Variants in CLIC5 observed in about 807,000 individuals in gnomAD.
The protein encoded by CLIC5 is chloride intracellular channel protein 5.
Under a neutral mutation model 24.7 loss-of-function variants are expected in CLIC5, and 20 were observed. That is an observed-to-expected ratio of 0.81 (90% confidence interval 0.57 to 1.18). The LOEUF (loss-of-function observed/expected upper bound fraction) is 1.18. Ranked by LOEUF, CLIC5 falls within the 50% of genes most tolerant of loss-of-function variation. The pLI is 0.00. For synonymous variants in CLIC5, 159 were observed against 135.6 expected, an observed-to-expected ratio of 1.17 and a Z score of -1.20; for missense variants, 341 against 326.1, an observed-to-expected ratio of 1.05 and a Z score of -0.35.
intron 3 of CLIC5, 111 bp downstream of exon 3, chr6:45,949,145 G>T: frequency 1.4e-6 from 2 of 1,388,966 alleles, no homozygotes; most frequent in Non-Finnish European, 9.7e-7. Context: ...CTGTTCTCTG[G>T]ACTGGTGAGG....
At chr6:46,015,996 G>T, upstream of CLIC5, 2 of 705,340 alleles carry the variant, frequency 2.8e-6, no homozygotes, top group Non-Finnish European at 3.5e-6. Flanking sequence ...ACCCCGCAGG[G>T]CAGGAGGCGG....
chr6:45,892,096 C>G (rs1200545179), intron 6 of CLIC5: 1 of 152,186 alleles, frequency 6.6e-6, no homozygotes, highest in Non-Finnish European at 1.5e-5. Flanking sequence ...CACATCTCTG[C>G]CTTCCTGACC....
At chr6:46,088,311 T>C in the CLIC5 span, among the ~76,000 whole-genome samples, 785 of 152,232 alleles carry the variant, frequency 5.2e-3, 10 homozygotes, top group African/African-American at 0.018. Flanking sequence ...TTGACTCCTA[T>C]AATTTCACTG....
intron 4 of CLIC5, 33 bp from the exon 5 acceptor site, chr6:45,914,442 A>T (rs768487772): frequency 2.6e-6 from 4 of 1,532,882 alleles, no homozygotes; most frequent in Non-Finnish European, 3.5e-6. Context: ...CCTTTATTCA[A>T]ACTTCTTGCC....
At chr6:45,945,649 T>C (rs1764266513) in intron 3 of CLIC5, among the ~76,000 whole-genome samples, 1 of 152,146 alleles carries the variant, frequency 6.6e-6, no homozygotes, top group Non-Finnish European at 1.5e-5. Flanking sequence ...TACTGCAACA[T>C]AGCACAACCT....
At chr6:46,064,988 GAA>G (rs1251448076) in intron 1 of CLIC5, among the ~76,000 whole-genome samples, 1 of 152,068 alleles carries the variant, frequency 6.6e-6, no homozygotes, top group East Asian at 1.9e-4. Flanking sequence ...TCATGAAAAT[GAA>G]AAGTCAGGCC....
chr6:46,085,891 C>G, the CLIC5 span, among the ~76,000 whole-genome samples: 1 of 152,248 alleles, frequency 6.6e-6, no homozygotes, highest in Non-Finnish European at 1.5e-5. Context: ...CTGTGGTGGG[C>G]TCCACCCAGT....
downstream of CLIC5, among the ~76,000 whole-genome samples, chr6:45,894,306 A>G (rs1762375600): frequency 6.6e-6 from 1 of 152,228 alleles, no homozygotes; most frequent in Non-Finnish European, 1.5e-5. Flanking sequence ...GCCTTACAAT[A>G]GGTGCGCCTT....
chr6:45,903,651 A>G (rs563029469), intron 5 of CLIC5, among the ~76,000 whole-genome samples: 1 of 152,356 alleles, frequency 6.6e-6, no homozygotes, highest in East Asian at 1.9e-4. Flanking sequence ...TAGTGGAGGG[A>G]CATTAAAAAT....
intron 4 of CLIC5, among the ~76,000 whole-genome samples, chr6:45,923,229 A>G (rs1763346841): frequency 6.6e-6 from 1 of 152,210 alleles, no homozygotes; most frequent in Non-Finnish European, 1.5e-5. Context: ...ATAACAGGTT[A>G]TTTTTAAGTA....
intron 1 of CLIC5, among the ~76,000 whole-genome samples, chr6:46,075,065 G>C (rs889905247): frequency 3.3e-5 from 5 of 151,998 alleles, no homozygotes; most frequent in African/African-American, 1.2e-4. Flanking sequence ...AATAATTTAG[G>C]CTCCTATATA....
At chr6:46,009,691 T>C (rs956898894) in intron 1 of CLIC5, among the ~76,000 whole-genome samples, 2 of 152,178 alleles carry the variant, frequency 1.3e-5, no homozygotes, top group Non-Finnish European at 2.9e-5. Flanking sequence ...CACCTATGGC[T>C]ATGCATAGCT....
chr6:45,997,748 C>T (rs1200728503), intron 1 of CLIC5, among the ~76,000 whole-genome samples: 3 of 152,178 alleles, frequency 2.0e-5, no homozygotes, highest in Non-Finnish European at 4.4e-5. Flanking sequence ...CAGATCATGG[C>T]ATTTGAGACT....
chr6:45,969,056 A>G (rs1252363228), intron 1 of CLIC5, among the ~76,000 whole-genome samples: 2 of 152,208 alleles, frequency 1.3e-5, no homozygotes, highest in Non-Finnish European at 2.9e-5. Context: ...GGAGAAGGTG[A>G]AAATAACTAA....
At chr6:46,051,656 G>C (rs899143245) in intron 1 of CLIC5, among the ~76,000 whole-genome samples, 2 of 152,086 alleles carry the variant, frequency 1.3e-5, no homozygotes, top group African/African-American at 4.8e-5. Context: ...CGTTCTAACT[G>C]CTGTGACATG....
chr6:46,107,834 A>T, the CLIC5 span, among the ~76,000 whole-genome samples: 1 of 152,106 alleles, frequency 6.6e-6, no homozygotes, highest in Non-Finnish European at 1.5e-5. Flanking sequence ...TTGGGAGTTC[A>T]AGACCTGTCT....
chr6:45,899,994 A>ATT lies in CLIC5; in HGVS notation c.*3092_*3093dup, dbSNP rs1371884622. ...ATCTGTGACTCTGAATTTATCAAGC[A>ATT]TTTGACTTTCTTTATCAGGAGATGA... On this transcript the variant is annotated 3_prime_UTR_variant, in exon 6 of 6. Transcript: ENST00000339561. 1.3e-5 allele frequency: 2 copies of ATT among 152,192 alleles called. No individual in the cohort carries two copies. The highest frequency in any genetic ancestry group is 1.3e-4 in the Admixed American group (2 of 15,284). 9.4% of individuals were successfully genotyped at this position (152,192 alleles called of 1,614,324 possible).
Position 45,902,918 on chromosome 6 carries a change from T to C in CLIC5, c.*170A>G. ...TCCTATGTGAGGAGGCCAGGGATGG[T>C]GCTGACCTTCATGAAAGATAGCAGG... is the stretch of plus-strand genomic sequence containing the variant. On this transcript the variant is annotated 3_prime_UTR_variant, in exon 6 of 6. Coordinates refer to ENST00000339561, the MANE Select transcript of CLIC5 (RefSeq NM_016929.5). 1.0e-5 allele frequency: 7 copies of C among 689,034 alleles called. No homozygotes were observed. The highest frequency in any genetic ancestry group is 1.7e-5 in the Non-Finnish European group (7 of 407,080). The allele number at this position is 689,034 out of a possible 1,614,324, so 42.7% of individuals were successfully genotyped here.
chr6:45,957,238 C>G (rs996688705), intron 1 of CLIC5, among the ~76,000 whole-genome samples: 27 of 152,108 alleles, frequency 1.8e-4, no homozygotes, highest in African/African-American at 6.3e-4. Flanking sequence ...ATAAAAAATT[C>G]ATATAATAAT....
Sources: gnomAD v4.1 joint callset for allele counts (sites outside exome capture counted in the v4.1 genomes callset) on GRCh38, gnomAD v4.1.1 for gene constraint, MANE v1.5 for transcripts, NCBI Gene and HGNC (gene_info 2026-07-23, HGNC 2026-07-21) for gene names.